Variants in ATP10B observed in about 807,000 individuals in gnomAD.
ATP10B encodes phospholipid-transporting ATPase VB.
A neutral mutation model predicts 141.2 loss-of-function variants in ATP10B; 122 were observed. The ratio of observed to expected loss-of-function variants is 0.86; its 90% CI spans 0.75 to 1.00. The LOEUF is 1.00. Ranked by LOEUF, ATP10B falls within the 50% of genes least tolerant of loss-of-function variation. The pLI is 0.00. For missense variants in ATP10B, 1,876 were observed against 1,825.3 expected (o/e 1.03, Z -0.51); for synonymous variants, 685 against 692.0 (o/e 0.99, Z 0.16).
the ATP10B span, among the ~76,000 whole-genome samples, chr5:160,874,276 T>A: frequency 0.013 from 1,909 of 151,656 alleles, 40 homozygotes; most frequent in African/African-American, 0.044. Flanking sequence ...GAGGGTACAC[T>A]GACACCTCAC....
chr5:160,668,610 A>G (rs1038271397), intron 7 of ATP10B, among the ~76,000 whole-genome samples: 3 of 152,192 alleles, frequency 2.0e-5, no homozygotes, highest in East Asian at 1.9e-4. Flanking sequence ...CCCCTTGCTC[A>G]GTGATTGACT....
the ATP10B span, among the ~76,000 whole-genome samples, chr5:160,890,923 T>C: frequency 1.3e-5 from 2 of 152,208 alleles, no homozygotes; most frequent in Non-Finnish European, 2.9e-5. Flanking sequence ...TTGACCAGGC[T>C]GAATTGGACT....
chr5:160,653,833 T>C (rs1471455323), intron 7 of ATP10B, among the ~76,000 whole-genome samples: 1 of 128,332 alleles, frequency 7.8e-6, no homozygotes, highest in Admixed American at 8.9e-5. Context: ...CGTATATACA[T>C]ATATATTATA....
At chr5:160,792,160 T>C (rs1030968619) in intron 1 of ATP10B, among the ~76,000 whole-genome samples, 4 of 152,168 alleles carry the variant, frequency 2.6e-5, no homozygotes, top group Admixed American at 6.6e-5. Flanking sequence ...GTACCCCTTG[T>C]CACACTCCAT....
intron 1 of ATP10B, among the ~76,000 whole-genome samples, chr5:160,819,535 A>G (rs544571810): frequency 7.2e-5 from 11 of 152,350 alleles, no homozygotes; most frequent in South Asian, 2.1e-4. Context: ...ACAGCATATT[A>G]TAACAGTGTA....
chr5:160,908,805 G>A, the ATP10B span, among the ~76,000 whole-genome samples: 1 of 152,046 alleles, frequency 6.6e-6, no homozygotes, highest in Admixed American at 6.6e-5. Context: ...AGGTTAGCAG[G>A]CTATACAGTT....
At chr5:160,723,296 T>A (rs2127784131) in intron 2 of ATP10B, among the ~76,000 whole-genome samples, 1 of 152,318 alleles carries the variant, frequency 6.6e-6, no homozygotes, top group South Asian at 2.1e-4. Context: ...ATTGCCTTCA[T>A]GAAGCTTACA....
chr5:160,791,863 T>TG (rs1482626240), intron 1 of ATP10B, among the ~76,000 whole-genome samples: 2 of 152,122 alleles, frequency 1.3e-5, no homozygotes, highest in Non-Finnish European at 2.9e-5. Flanking sequence ...AAACTGACAG[T>TG]ATCAGCCTTC....
intron 2 of ATP10B, among the ~76,000 whole-genome samples, chr5:160,761,616 C>T (rs190710177): frequency 3.2e-4 from 48 of 152,266 alleles, no homozygotes; most frequent in African/African-American, 8.4e-4. Context: ...CCCACTGAAA[C>T]GGTCTACCCA....
At chr5:160,800,251 G>A (rs1045832139) in intron 1 of ATP10B, among the ~76,000 whole-genome samples, 9 of 152,126 alleles carry the variant, frequency 5.9e-5, no homozygotes, top group East Asian at 5.8e-4. Flanking sequence ...AAACAACTTC[G>A]ATTAGTTGCT....
chr5:160,602,165 T>C (rs1222789423), intron 21 of ATP10B, among the ~76,000 whole-genome samples: 1 of 152,234 alleles, frequency 6.6e-6, no homozygotes, highest in African/African-American at 2.4e-5. Flanking sequence ...CTAATCACTT[T>C]ATATACAAAT....
At chr5:160,789,410 G>A (rs1771407055) in intron 1 of ATP10B, among the ~76,000 whole-genome samples, 1 of 152,132 alleles carries the variant, frequency 6.6e-6, no homozygotes, top group Non-Finnish European at 1.5e-5. Context: ...ACTGTGACTA[G>A]ACTACAAACC....
At chr5:160,827,096 T>TCC (rs1774666586) in intron 1 of ATP10B, among the ~76,000 whole-genome samples, 1 of 152,100 alleles carries the variant, frequency 6.6e-6, no homozygotes, top group East Asian at 1.9e-4. Flanking sequence ...CTACACCCCC[T>TCC]CCCCTTTTGA....
At chr5:160,891,030 C>T in the ATP10B span, among the ~76,000 whole-genome samples, 8 of 151,828 alleles carry the variant, frequency 5.3e-5, no homozygotes, top group South Asian at 6.2e-4. Flanking sequence ...TATGTATGTG[C>T]GTTTGAATAA....
At chr5:160,678,613 C>T (rs762485148) in intron 6 of ATP10B, among the ~76,000 whole-genome samples, 4 of 152,128 alleles carry the variant, frequency 2.6e-5, no homozygotes, top group South Asian at 2.1e-4. Context: ...GTCAAGACTG[C>T]GCCACTGCAC....
the ATP10B span, among the ~76,000 whole-genome samples, chr5:160,923,763 C>G: frequency 6.6e-6 from 1 of 152,210 alleles, no homozygotes; most frequent in South Asian, 2.1e-4. Context: ...GATACACAAG[C>G]TAGTCCTCAA....
rs201304179 is a variant in ATP10B, at chr5:160,836,282, C to CT, written c.-576+15658_-576+15659insA. On this transcript the variant is annotated intron_variant, in intron 1 of 25. Transcript: ENST00000327245. ...GTTGGGCAACTAAACCTTGGATGAC[C>CT]ACAAAACTCTGTAAATTCATTACTC... Among the ~76,000 whole-genome samples, 916 of 152,160 alleles carry CT rather than the reference C, an allele frequency of 6.0e-3. 13 individuals are homozygous for CT. The highest frequency in any genetic ancestry group is 0.021 in the African/African-American group (872 of 41,530).
the ATP10B span, among the ~76,000 whole-genome samples, chr5:160,913,559 C>T: frequency 2.0e-5 from 3 of 152,160 alleles, no homozygotes; most frequent in African/African-American, 7.2e-5. Context: ...TCACCTCTAT[C>T]TACTTGGCCC....
the ATP10B span, among the ~76,000 whole-genome samples, chr5:160,913,599 C>A: frequency 6.6e-6 from 1 of 152,152 alleles, no homozygotes; most frequent in Non-Finnish European, 1.5e-5. Flanking sequence ...GGTTGTGCAA[C>A]ACATTTCTTT....
Sources: gnomAD v4.1 joint callset for allele counts (sites outside exome capture counted in the v4.1 genomes callset) on GRCh38, gnomAD v4.1.1 for gene constraint, MANE v1.5 for transcripts, NCBI Gene and HGNC (gene_info 2026-07-23, HGNC 2026-07-21) for gene names.